The following LEF1 variants were observed in gnomAD, a reference collection of about 807,000 sequenced individuals.
LEF1 encodes the protein lymphoid enhancer-binding factor 1.
LEF1 carries 14 observed loss-of-function variants against 51.2 expected under a neutral mutation model. The observed-to-expected ratio is 0.27, with a 90% CI of 0.18 to 0.43. The LOEUF (loss-of-function observed/expected upper bound fraction) is 0.43. LEF1 is among the 20% of genes least tolerant of loss of function. The probability of loss-of-function intolerance (pLI) is 1.00; values close to 1 mark genes in which losing one functional copy is unlikely to be tolerated. For missense variants in LEF1, 386 were observed against 512.0 expected, an observed-to-expected ratio of 0.75 and a Z score of 2.37; for synonymous variants, 185 against 183.2, an observed-to-expected ratio of 1.01 and a Z score of -0.08.
intron 3 of LEF1, among the ~76,000 whole-genome samples, chr4:108,093,309 G>A (rs1740174758): frequency 1.3e-5 from 2 of 152,136 alleles, no homozygotes; most frequent in South Asian, 4.1e-4. Context: ...CTCTTACTCT[G>A]TGCTGGCTAC....
chr4:108,151,096 T>C lies in LEF1; in HGVS notation c.414+12472A>G, dbSNP rs565845190. Among the ~76,000 whole-genome samples the C allele has an allele frequency of 3.3e-5, 5 of 152,294 alleles. No homozygotes were observed. The East Asian group carries it at 9.7e-4, about 29-fold the overall frequency. ...TTTCTTAGCATAAAACTGAAAACAATGATTCCTAAGCTAAACTCATGAATG... is the reference window on the plus strand; with the variant it reads ...TTTCTTAGCATAAAACTGAAAACAACGATTCCTAAGCTAAACTCATGAATG... On this transcript the variant is annotated intron_variant, in intron 3 of 11. Coordinates refer to ENST00000265165, the MANE Select transcript of LEF1 (RefSeq NM_016269.5).
chr4:108,142,596 C>T (rs546314137), intron 3 of LEF1, among the ~76,000 whole-genome samples: 1 of 152,280 alleles, frequency 6.6e-6, no homozygotes, highest in Admixed American at 6.5e-5. Context: ...TCCATTATTA[C>T]ATTTAAAATC....
intron 3 of LEF1, among the ~76,000 whole-genome samples, chr4:108,149,704 G>A (rs1242507046): frequency 6.7e-6 from 1 of 149,710 alleles, no homozygotes; most frequent in Non-Finnish European, 1.5e-5. Context: ...TGATGACACA[G>A]ACCTACATTC....
At chr4:108,166,272 C>G in intron 1 of LEF1, 1 of 1,536,096 alleles carries the variant, frequency 6.5e-7, no homozygotes, top group Non-Finnish European at 8.7e-7. Flanking sequence ...TCGTACTCAC[C>G]TCTGCCATTG....
At chr4:108,087,406 C>T (rs532563543) in intron 4 of LEF1, among the ~76,000 whole-genome samples, 4 of 151,634 alleles carry the variant, frequency 2.6e-5, no homozygotes, top group Admixed American at 6.6e-5. Flanking sequence ...AGTCCCTTCT[C>T]GGTAGTTTTG....
chr4:108,111,107 A>G (rs748701465), intron 3 of LEF1, among the ~76,000 whole-genome samples: 2 of 152,242 alleles, frequency 1.3e-5, no homozygotes, highest in Non-Finnish European at 2.9e-5. Flanking sequence ...AGGATACACC[A>G]AATGAAAGAA....
rs542820794 is a variant in LEF1 at position 108,168,028 on chromosome 4, G to C, written c.-261C>G. The C allele has an allele frequency of 1.2e-5, 2 of 168,574 alleles. No individual in the cohort carries two copies. The highest frequency in any genetic ancestry group is 4.8e-5 in the African/African-American group (2 of 41,954). The allele number at this position is 168,574 out of a possible 1,614,324, so 10.4% of individuals were successfully genotyped here. A position where few individuals can be genotyped will look rare whatever the true frequency, so the allele number is the denominator to read the frequency against. On this transcript the variant is annotated 5_prime_UTR_variant, in exon 1 of 12. Transcript: ENST00000265165. This position sits in a 1 kb window ranked among gnomAD's most constrained non-coding sequence, Gnocchi z 4.6. ...AGGCGCCCGCCCCCGAGGCCGAAGG[G>C]CACTGGGCGGCGAGGGCTGCGGTAG...
chr4:108,059,192 G>A (rs1252003133), intron 11 of LEF1, among the ~76,000 whole-genome samples: 2 of 152,230 alleles, frequency 1.3e-5, no homozygotes, highest in East Asian at 3.8e-4. Flanking sequence ...CGGGGAGACA[G>A]GAACACAACC....
chr4:108,066,864 G>A (rs1738116202), intron 9 of LEF1, among the ~76,000 whole-genome samples: 1 of 152,124 alleles, frequency 6.6e-6, no homozygotes, highest in African/African-American at 2.4e-5. Flanking sequence ...GAAAATTTGT[G>A]CACTATTAAT....
intron 11 of LEF1, among the ~76,000 whole-genome samples, chr4:108,056,834 C>T (rs1578286062): frequency 1.3e-5 from 2 of 151,090 alleles, no homozygotes; most frequent in Non-Finnish European, 1.5e-5. Context: ...CGCCAGCAGT[C>T]GCTTCCACAG....
intron 3 of LEF1, among the ~76,000 whole-genome samples, chr4:108,123,781 C>T (rs926461966): frequency 7.2e-5 from 11 of 152,088 alleles, no homozygotes; most frequent in African/African-American, 2.7e-4. Flanking sequence ...AATGCCAGAA[C>T]ACCAATTTTT....
chr4:108,136,803 A>C (rs1344528570), intron 3 of LEF1, among the ~76,000 whole-genome samples: 1 of 152,218 alleles, frequency 6.6e-6, no homozygotes, highest in East Asian at 1.9e-4. Context: ...GTTCTAACTC[A>C]AAATATCCAA....
chr4:108,159,427 T>C (rs529190831), intron 3 of LEF1, among the ~76,000 whole-genome samples: 52 of 152,342 alleles, frequency 3.4e-4, no homozygotes, highest in African/African-American at 1.2e-3. Context: ...GTGAAAATTA[T>C]TTATAGGTTA....
chr4:108,048,747 T>G lies in LEF1; in HGVS notation c.*11A>C. The G allele has an allele frequency of 1.2e-6, 2 of 1,602,584 alleles. No individual in the cohort carries two copies. The highest frequency in any genetic ancestry group is 1.7e-6 in the Non-Finnish European group (2 of 1,173,856). On this transcript the variant is annotated 3_prime_UTR_variant, in exon 12 of 12. Coordinates refer to ENST00000265165, the MANE Select transcript of LEF1 (RefSeq NM_016269.5). ...TGCACGTTGGGAATGAGCTTCGTTT[T>G]CCACCTCAAGAAGGAACAAATGAAA...
chr4:108,113,632 C>G (rs1010202247), intron 3 of LEF1, among the ~76,000 whole-genome samples: 1 of 152,162 alleles, frequency 6.6e-6, no homozygotes, highest in African/African-American at 2.4e-5. Flanking sequence ...CAAATCTGCT[C>G]TTCGAAGAAT....
At chr4:108,063,846 A>T (rs777621355) in intron 10 of LEF1, among the ~76,000 whole-genome samples, 183 bp from the exon 11 acceptor site, 2 of 152,238 alleles carry the variant, frequency 1.3e-5, no homozygotes, top group Non-Finnish European at 2.9e-5. Context: ...AAGGAAAATA[A>T]ATGGGACCTC....
chr4:108,152,271 G>C (rs978780879), intron 3 of LEF1, among the ~76,000 whole-genome samples: 5 of 152,162 alleles, frequency 3.3e-5, no homozygotes, highest in African/African-American at 1.2e-4. Flanking sequence ...CCAAAGACAG[G>C]GTTTTGGAAA....
chr4:108,119,121 A>C (rs1330868216), intron 3 of LEF1, among the ~76,000 whole-genome samples: 1 of 148,992 alleles, frequency 6.7e-6, no homozygotes, highest in Non-Finnish European at 1.5e-5. Context: ...CAAGCAGGTC[A>C]GCTATACAGA....
chr4:108,159,682 G>T (rs189853261), intron 3 of LEF1, among the ~76,000 whole-genome samples: 1 of 152,248 alleles, frequency 6.6e-6, no homozygotes, highest in East Asian at 1.9e-4. Flanking sequence ...TTATAAGCAA[G>T]TACAAATATG....
Sources: gnomAD v4.1 joint callset for allele counts (sites outside exome capture counted in the v4.1 genomes callset) on GRCh38, gnomAD v4.1.1 for gene constraint, Gnocchi (gnomAD v3.1) non-coding constraint, MANE v1.5 for transcripts, NCBI Gene and HGNC (gene_info 2026-07-23, HGNC 2026-07-21) for gene names.